FSTL5: variants seen among roughly 807,000 people sequenced by gnomAD.
FSTL5 encodes follistatin like 5, also known as follistatin-related protein 5.
Under a neutral mutation model 89.1 loss-of-function variants are expected in FSTL5, and 62 were observed. The observed-to-expected ratio is 0.70, with a 90% confidence interval of 0.57 to 0.86. FSTL5 has a LOEUF of 0.86. Ranked by LOEUF, FSTL5 falls within the 40% of genes least tolerant of loss-of-function variation. The pLI is 0.00. For synonymous variants in FSTL5, 383 were observed against 346.2 expected (o/e 1.11, Z -1.18); for missense variants, 1,057 against 1,001.6 (o/e 1.06, Z -0.75).
intron 3 of FSTL5, among the ~76,000 whole-genome samples, chr4:161,926,219 G>T (rs1464796778): frequency 1.3e-5 from 2 of 151,568 alleles, no homozygotes; most frequent in Non-Finnish European, 3.0e-5. Flanking sequence ...CTTTGCAGTC[G>T]GTCAAAAAAG....
chr4:161,471,093 G>A (rs1560910742), intron 13 of FSTL5, among the ~76,000 whole-genome samples: 1 of 152,128 alleles, frequency 6.6e-6, no homozygotes, highest in African/African-American at 2.4e-5. Context: ...AATTGTTCTG[G>A]CTAGAAGCCA....
chr4:161,453,577 CA>C (rs1259233196), intron 15 of FSTL5, among the ~76,000 whole-genome samples: 5 of 152,024 alleles, frequency 3.3e-5, no homozygotes, highest in Non-Finnish European at 7.4e-5. Flanking sequence ...TTGTTTTCCA[CA>C]AAATGTGTAA....
chr4:161,832,452 A>G (rs1730878365), intron 4 of FSTL5, among the ~76,000 whole-genome samples: 1 of 152,088 alleles, frequency 6.6e-6, no homozygotes, highest in African/African-American at 2.4e-5. Context: ...TTCAGAAGGA[A>G]TGGTACCAGT....
intron 3 of FSTL5, among the ~76,000 whole-genome samples, chr4:161,974,334 C>A (rs1367782317): frequency 6.6e-6 from 1 of 151,854 alleles, no homozygotes; most frequent in African/African-American, 2.4e-5. Context: ...AGGCATCACA[C>A]TACCTGACTT....
At chr4:161,670,118 A>C (rs896582235) in intron 6 of FSTL5, among the ~76,000 whole-genome samples, 5 of 152,234 alleles carry the variant, frequency 3.3e-5, no homozygotes, top group Non-Finnish European at 7.3e-5. Context: ...CATCTTTAAT[A>C]TATTTTTAAA....
chr4:162,117,817 G>A (rs1376910195), intron 1 of FSTL5, among the ~76,000 whole-genome samples: 2 of 151,976 alleles, frequency 1.3e-5, no homozygotes, highest in South Asian at 2.1e-4. Flanking sequence ...TTGGCCCCCA[G>A]TATAATCTCA....
At chr4:161,870,066 C>T (rs1293319224) in intron 4 of FSTL5, among the ~76,000 whole-genome samples, 1 of 152,096 alleles carries the variant, frequency 6.6e-6, no homozygotes, top group Non-Finnish European at 1.5e-5. Flanking sequence ...GTAATAGAGA[C>T]AACAGAGAAA....
At chr4:162,136,711 C>T (rs1220468772) in intron 1 of FSTL5, among the ~76,000 whole-genome samples, 1 of 151,752 alleles carries the variant, frequency 6.6e-6, no homozygotes, top group Non-Finnish European at 1.5e-5. Context: ...ACTATATTAT[C>T]CAAAGTGTAT....
rs565696253 is a variant in FSTL5, at chr4:161,453,869, C to T, written c.1841+1135G>A. Among the ~76,000 whole-genome samples, 10 of 152,282 alleles carry T rather than the reference C, an allele frequency of 6.6e-5. 1 individual carries two copies. The highest frequency in any genetic ancestry group is 2.4e-4 in the African/African-American group (10 of 41,566). ...TTAGCCTCCCACAATGCTGGGATTA[C>T]ATGGGAGAGCTACCATGCCCAGCCT... On this transcript the variant is annotated intron_variant, in intron 15 of 15. Coordinates refer to ENST00000306100, the MANE Select transcript of FSTL5 (RefSeq NM_020116.5).
chr4:161,818,533 C>G (rs1367357445), intron 4 of FSTL5, among the ~76,000 whole-genome samples: 2 of 152,214 alleles, frequency 1.3e-5, no homozygotes, highest in East Asian at 3.9e-4. Flanking sequence ...GAACATCCAC[C>G]TCTAGACATC....
At chr4:162,105,579 T>C (rs1234067102) in intron 2 of FSTL5, among the ~76,000 whole-genome samples, 2 of 152,122 alleles carry the variant, frequency 1.3e-5, no homozygotes, top group Non-Finnish European at 1.5e-5. Flanking sequence ...TAATGAGATA[T>C]AATTTATCAG....
intron 6 of FSTL5, among the ~76,000 whole-genome samples, chr4:161,698,457 T>A (rs1738262926): frequency 6.6e-6 from 1 of 152,158 alleles, no homozygotes; most frequent in East Asian, 1.9e-4. Context: ...CATAGACTTG[T>A]GACTATAGTC....
intron 1 of FSTL5, among the ~76,000 whole-genome samples, chr4:162,156,372 C>T (rs1733471812): frequency 6.6e-6 from 1 of 152,082 alleles, no homozygotes; most frequent in Non-Finnish European, 1.5e-5. Flanking sequence ...TACTATTTGA[C>T]CCAATAATGC....
At chr4:162,081,820 A>T (rs913588985) in intron 2 of FSTL5, among the ~76,000 whole-genome samples, 19 of 148,718 alleles carry the variant, frequency 1.3e-4, no homozygotes, top group South Asian at 6.4e-4. Flanking sequence ...TCTCTCTCTC[A>T]CACACACACA....
At chr4:161,875,115 G>T (rs1041001435) in intron 4 of FSTL5, among the ~76,000 whole-genome samples, 1 of 151,862 alleles carries the variant, frequency 6.6e-6, no homozygotes, top group Admixed American at 6.6e-5. Flanking sequence ...GTTTGTTCCC[G>T]TTCAGATTCT....
At chr4:161,930,509 T>G (rs113735807) in intron 3 of FSTL5, among the ~76,000 whole-genome samples, 2 of 151,780 alleles carry the variant, frequency 1.3e-5, no homozygotes, top group Non-Finnish European at 2.9e-5. Context: ...TAAAGCTTTT[T>G]TTTTCTCTTT....
intron 4 of FSTL5, among the ~76,000 whole-genome samples, chr4:161,918,364 G>A (rs775283330): frequency 6.6e-6 from 1 of 152,002 alleles, no homozygotes; most frequent in Non-Finnish European, 1.5e-5. Context: ...TGGAAAATAC[G>A]CTAAACTTTG....
chr4:161,392,657 G>A (rs1730860096), intron 15 of FSTL5, among the ~76,000 whole-genome samples: 1 of 152,054 alleles, frequency 6.6e-6, no homozygotes, highest in Non-Finnish European at 1.5e-5. Flanking sequence ...TATAAAATTG[G>A]TTGTTCTTCC....
intron 3 of FSTL5, among the ~76,000 whole-genome samples, chr4:161,970,404 A>G (rs1160753383): frequency 1.3e-5 from 2 of 152,120 alleles, no homozygotes; most frequent in African/African-American, 2.4e-5. Flanking sequence ...TCTAGGATGA[A>G]AAGAGCTATG....
Sources: gnomAD v4.1 joint callset for allele counts (sites outside exome capture counted in the v4.1 genomes callset) on GRCh38, gnomAD v4.1.1 for gene constraint, MANE v1.5 for transcripts, NCBI Gene and HGNC (gene_info 2026-07-23, HGNC 2026-07-21) for gene names.